NASP: variants seen among roughly 807,000 people sequenced by gnomAD.
The protein encoded by NASP is NASP histone chaperone.
NASP carries 24 observed loss-of-function variants against 89.5 expected under a neutral mutation model. The observed-to-expected ratio is 0.27, with a 90% CI of 0.19 to 0.38. The LOEUF is 0.38. Ranked by LOEUF, NASP falls within the 10% of genes least tolerant of loss-of-function variation. The pLI is 1.00. For missense variants in NASP, 848 were observed against 921.4 expected, an observed-to-expected ratio of 0.92 and a Z score of 1.03; for synonymous variants, 306 against 324.7, an observed-to-expected ratio of 0.94 and a Z score of 0.62.
rs1015829203 is a variant in NASP at position 45,599,438 on chromosome 1, C to CTT, written c.108-2811_108-2810dup. On this transcript the variant is annotated intron_variant, in intron 2 of 14. Coordinates refer to ENST00000350030, the MANE Select transcript of NASP (RefSeq NM_002482.4). ...TTTTTCTTTTCTTCTCTTTTCTTTT[C>CTT]TTTTTTTGAGATGGAGTCTCGCCCT... is the stretch of plus-strand genomic sequence containing the variant. Among the ~76,000 whole-genome samples, 9 of 150,924 alleles carry CTT rather than the reference C, an allele frequency of 6.0e-5. No individual in the cohort carries two copies. In the East Asian group the frequency reaches 7.8e-4, roughly 13 times the overall value.
chr1:45,614,466 G>A (rs747171399), intron 9 of NASP, 100 bp downstream of exon 9: 53 of 936,700 alleles, frequency 5.7e-5, no homozygotes, highest in Non-Finnish European at 8.6e-5. Flanking sequence ...AAAAAGATAG[G>A]TCTGTGTTCC....
rs56181355 is a variant in NASP at position 45,588,957 on chromosome 1, G to GTGTTTGTT, written c.60-2246_60-2239dup. On this transcript the variant is annotated intron_variant, in intron 1 of 14. Coordinates refer to ENST00000350030, the MANE Select transcript of NASP (RefSeq NM_002482.4). ...AGAATGAGCAGTAGCAGGTGGTCAA[G>GTGTTTGTT]TGTTTGTTTGTTTGTTTGTTTGTTT... 248 of 161,200 alleles carry GTGTTTGTT rather than the reference G, an allele frequency of 1.5e-3. 2 individuals carry two copies. Among genetic ancestry groups the GTGTTTGTT allele is most frequent in the Middle Eastern group, 3.2e-3 (1 of 316 alleles). The allele number at this position is 161,200 out of a possible 1,614,324, so 10.0% of individuals were successfully genotyped here.
intron 2 of NASP, among the ~76,000 whole-genome samples, chr1:45,598,558 CCT>C (rs1643756201): frequency 6.6e-6 from 1 of 152,148 alleles, no homozygotes; most frequent in Non-Finnish European, 1.5e-5. Context: ...TGTGTATTCT[CCT>C]CTGTTAAGTC....
chr1:45,603,489 A>C (rs1643876167), intron 3 of NASP, among the ~76,000 whole-genome samples: 1 of 150,620 alleles, frequency 6.6e-6, no homozygotes, highest in Admixed American at 6.6e-5. Context: ...ACAGAATCTT[A>C]CTCCTGGATA....
At chr1:45,596,660 G>T (rs1257841594) in intron 2 of NASP, among the ~76,000 whole-genome samples, 1 of 152,190 alleles carries the variant, frequency 6.6e-6, no homozygotes, top group Admixed American at 6.5e-5. Flanking sequence ...AAGTTCATCA[G>T]TGTTTTCAGA....
In NASP at chr1:45,589,105, G is replaced by A. The variant is rs74227031; in HGVS notation, c.60-2118G>A. Among the ~76,000 whole-genome samples the A allele has an allele frequency of 3.6e-3, 543 of 152,272 alleles. 7 individuals carry two copies. Among genetic ancestry groups the A allele is most frequent in the East Asian group, 0.035 (182 of 5,178 alleles). ...AAATGAATTAGATGGAGTAGAATCTGTCAATATCCTATGGTTTCTGGTTTG... is the reference window on the plus strand; with the variant it reads ...AAATGAATTAGATGGAGTAGAATCTATCAATATCCTATGGTTTCTGGTTTG... On this transcript the variant is annotated intron_variant, in intron 1 of 14. Coordinates refer to ENST00000350030, the MANE Select transcript of NASP (RefSeq NM_002482.4).
intron 1 of NASP, chr1:45,588,715 G>T (rs1330728168): frequency 2.5e-6 from 1 of 401,954 alleles, no homozygotes; most frequent in East Asian, 9.1e-5. Flanking sequence ...GAGGTGGGCA[G>T]ATCACGAGGT....
intron 1 of NASP, among the ~76,000 whole-genome samples, chr1:45,585,190 CAA>C (rs1644514152): frequency 6.6e-6 from 1 of 152,174 alleles, no homozygotes; most frequent in African/African-American, 2.4e-5. Context: ...TTCAAGGAAA[CAA>C]GTGCTGTTTC....
At position 45,607,370 on chromosome 1, in the gene NASP, A is replaced by C. The variant is rs565146317; in HGVS notation, c.459A>C (p.Glu153Asp). Residue 153 changes from glutamate to aspartate, a missense_variant, in exon 6 of 15, where the codon GAA becomes GAC. Glu to Asp is a conservative substitution (Grantham distance 45, BLOSUM62 2). Coordinates refer to ENST00000350030, the MANE Select transcript of NASP (RefSeq NM_002482.4). ...LREQVYDAMG[E>D]KEEAKKTEDK... ...AACAGGTTTATGACGCCATGGGAGA[A>C]AAAGAAGAAGCCAAAAAAACAGAAG... 6 of 1,614,142 alleles carry C rather than the reference A, an allele frequency of 3.7e-6. No individual in the cohort carries two copies. The South Asian group carries it at 5.5e-5, about 15-fold the overall frequency.
chr1:45,599,085 TCTTTC>T (rs1643769877), intron 2 of NASP, among the ~76,000 whole-genome samples: 1 of 152,188 alleles, frequency 6.6e-6, no homozygotes. Context: ...TTTTACGGTT[TCTTTC>T]CTTTTTTTTT....
Position 45,607,337 on chromosome 1 carries a change from G to A in NASP, c.426G>A (p.Glu142=). The change falls in exon 6 of 15, where the codon GAG becomes GAA. Residue 142 remains glutamate (E), a synonymous_variant. Transcript: ENST00000350030. ...ACCATGTAGAGGAAGCAAGGGAAGA[G>A]TTGAGAGAACAGGTTTATGACGCCA... ...NDNIDEEARE[E]LREQVYDAMG... 6.2e-7 allele frequency: 1 copy of A among 1,614,012 alleles called. No homozygotes were observed. The highest frequency in any genetic ancestry group is 8.5e-7 in the Non-Finnish European group (1 of 1,179,934).
chr1:45,617,274 A>G (rs574126036), intron 13 of NASP, 189 bp from the exon 14 acceptor site: 37 of 583,610 alleles, frequency 6.3e-5, no homozygotes, highest in South Asian at 2.5e-4. Flanking sequence ...CTGAAGTGAT[A>G]TGGTGGGACA....
chr1:45,607,183 G>A (rs1643921096), intron 5 of NASP, 138 bp from the exon 6 acceptor site: 2 of 839,038 alleles, frequency 2.4e-6, no homozygotes, highest in East Asian at 2.7e-5. Context: ...TCTCTAGGGG[G>A]CAGATAATTT....
intron 5 of NASP, 53 bp downstream of exon 5, chr1:45,606,644 T>C (rs1643913374): frequency 3.1e-6 from 4 of 1,287,144 alleles, no homozygotes; most frequent in South Asian, 2.4e-5. Flanking sequence ...ATATTTCTTG[T>C]ATACAGTGGT....
intron 5 of NASP, among the ~76,000 whole-genome samples, chr1:45,606,877 T>C (rs1422277755): frequency 1.3e-5 from 2 of 152,264 alleles, no homozygotes; most frequent in Non-Finnish European, 2.9e-5. Flanking sequence ...TAAATACTAT[T>C]ACAACCTTAA....
chr1:45,597,871 A>G (rs192804752), intron 2 of NASP, among the ~76,000 whole-genome samples: 1 of 152,158 alleles, frequency 6.6e-6, no homozygotes, highest in Non-Finnish European at 1.5e-5. Context: ...GAGATTACTT[A>G]TATCAGCCCA....
At chr1:45,585,017 C>A (rs1008209681) in intron 1 of NASP, among the ~76,000 whole-genome samples, 1 of 152,204 alleles carries the variant, frequency 6.6e-6, no homozygotes, top group African/African-American at 2.4e-5. Context: ...GAAGCGCTGT[C>A]TGGAGCTCTC....
At chr1:45,584,411 G>A (rs1248187656) in intron 1 of NASP, among the ~76,000 whole-genome samples, 1 of 152,162 alleles carries the variant, frequency 6.6e-6, no homozygotes, top group South Asian at 2.1e-4. Flanking sequence ...GTCGGCTGGC[G>A]CCCCCTGCCC....
intron 3 of NASP, among the ~76,000 whole-genome samples, chr1:45,603,703 T>C (rs371679299): frequency 1.4e-5 from 2 of 146,332 alleles, no homozygotes; most frequent in African/African-American, 5.1e-5. Flanking sequence ...CCCGCCTCCC[T>C]GGTTCAAGTG....
Sources: gnomAD v4.1 joint callset for allele counts (sites outside exome capture counted in the v4.1 genomes callset) on GRCh38, gnomAD v4.1.1 for gene constraint, MANE v1.5 for transcripts, NCBI Gene and HGNC (gene_info 2026-07-23, HGNC 2026-07-21) for gene names.